The following GRPR variants were observed in gnomAD, a reference collection of about 807,000 sequenced individuals.
GRPR encodes the protein gastrin releasing peptide receptor, also known as gastrin-releasing peptide receptor.
A neutral mutation model predicts 15.6 loss-of-function variants in GRPR; 4 were observed. The observed-to-expected ratio is 0.26, with a 90% CI of 0.13 to 0.59. GRPR has a LOEUF of 0.59. GRPR is among the 20% of genes least tolerant of loss of function. The pLI is 0.90. For synonymous variants in GRPR, 128 were observed against 126.8 expected, an observed-to-expected ratio of 1.01 and a Z score of -0.06; for missense variants, 270 against 304.1, an observed-to-expected ratio of 0.89 and a Z score of 0.83.
In GRPR at chrX:16,123,939, A is replaced by G; in HGVS notation, c.-15A>G. The G allele has an allele frequency of 8.3e-7, 1 of 1,199,352 alleles. No individual in the cohort carries two copies. On this transcript the variant is annotated 5_prime_UTR_variant, in exon 1 of 3. Transcript: ENST00000380289. ...GCATCTAAGGGAACTTTTAGGTGGG[A>G]AAAAAAATCTAGAGATGGCTCTAAA... is the stretch of plus-strand genomic sequence containing the variant.
In GRPR at chrX:16,150,619, A is replaced by G. The variant is rs756826220; in HGVS notation, c.728A>G (p.Asn243Ser). 22 of 1,182,450 alleles carry G rather than the reference A, an allele frequency of 1.9e-5. No individual in the cohort carries two copies. The highest frequency in any genetic ancestry group is 5.3e-5 in the South Asian group (3 of 56,199). ...AAAAATCTGATCCAGAGTGCTTACA[A>G]TCTTCCCGTGGAAGGGAATATACAT... Reference protein sequence around the residue: ...IAKNLIQSAYNLPVEGNIHVK... With the variant: ...IAKNLIQSAYSLPVEGNIHVK... The change falls in exon 2 of 3, where the codon AAT (asparagine) becomes AGT (serine). Residue 243 changes from asparagine to serine, a missense_variant. Asn to Ser is a conservative substitution (Grantham distance 46). Coordinates refer to ENST00000380289, the MANE Select transcript of GRPR (RefSeq NM_005314.3).
chrX:16,124,705 A>T (rs1490464469), intron 1 of GRPR, among the ~76,000 whole-genome samples: 1 of 112,231 alleles, frequency 8.9e-6, no homozygotes, highest in African/African-American at 3.2e-5. Flanking sequence ...AAAGACAATC[A>T]CACCCAATAG....
intron 1 of GRPR, among the ~76,000 whole-genome samples, chrX:16,144,504 A>G (rs1024088125): frequency 3.6e-5 from 4 of 111,916 alleles, no homozygotes; most frequent in Admixed American, 2.8e-4. Flanking sequence ...GTAATTATGG[A>G]CAAATAAGGG....
chrX:16,147,304 A>T (rs962237974), intron 1 of GRPR, among the ~76,000 whole-genome samples: 3 of 111,972 alleles, frequency 2.7e-5, no homozygotes, highest in Admixed American at 9.6e-5. Context: ...ATTCCTTGAT[A>T]TCACCAATAG....
chrX:16,147,776 G>C (rs949506430), intron 1 of GRPR, among the ~76,000 whole-genome samples: 4 of 111,958 alleles, frequency 3.6e-5, no homozygotes, highest in African/African-American at 1.3e-4. Flanking sequence ...CATTTACTCT[G>C]GTTTCTGACT....
At chrX:16,137,421 A>C (rs1922465893) in intron 1 of GRPR, among the ~76,000 whole-genome samples, 1 of 112,198 alleles carries the variant, frequency 8.9e-6, no homozygotes, top group Middle Eastern at 4.6e-3. Flanking sequence ...GGTGGCAGAC[A>C]TGAGGGCAGG....
At position 16,146,759 on chromosome X, in the gene GRPR, A is replaced by G. The variant is rs150813721; in HGVS notation, c.414-3546A>G. On this transcript the variant is annotated intron_variant, in intron 1 of 2. Transcript: ENST00000380289. ...AGACTGATATGCTCCATGCTATACA[A>G]AACCATTAGACTTGCAGGAAACATT... 8.7e-3 allele frequency among the ~76,000 whole-genome samples: 975 copies of G among 111,980 alleles called. 11 individuals carry two copies. The highest frequency in any genetic ancestry group is 0.03 in the African/African-American group (921 of 30,809).
chrX:16,131,253 G>A (rs190361184), intron 1 of GRPR, among the ~76,000 whole-genome samples: 144 of 111,193 alleles, frequency 1.3e-3, no homozygotes, highest in Non-Finnish European at 2.3e-3. Context: ...TGGGGTTTGC[G>A]TAAATTCTCT....
chrX:16,140,295 A>C (rs1922511995), intron 1 of GRPR, among the ~76,000 whole-genome samples: 1 of 112,668 alleles, frequency 8.9e-6, no homozygotes, highest in Non-Finnish European at 1.9e-5. Flanking sequence ...CTTATTTTGG[A>C]AAAAAATGAT....
chrX:16,123,926 A>G lies in GRPR; in HGVS notation c.-28A>G, dbSNP rs560017195. On this transcript the variant is annotated 5_prime_UTR_variant, in exon 1 of 3. Coordinates refer to ENST00000380289, the MANE Select transcript of GRPR (RefSeq NM_005314.3). ...TAGTTAAGAAATAGCATCTAAGGGA[A>G]CTTTTAGGTGGGAAAAAAAATCTAG... is the stretch of plus-strand genomic sequence containing the variant. 4.3e-5 allele frequency: 50 copies of G among 1,173,811 alleles called. No homozygotes were observed. In the South Asian group the frequency reaches 8.2e-4, roughly 19 times the overall value.
chrX:16,127,197 C>T (rs1403030820), intron 1 of GRPR, among the ~76,000 whole-genome samples: 1 of 111,553 alleles, frequency 9.0e-6, no homozygotes, highest in Admixed American at 9.5e-5. Flanking sequence ...ACCATCCATC[C>T]CTGCCCCCTA....
At chrX:16,150,835 T>TTC (rs1448497512) in intron 2 of GRPR, among the ~76,000 whole-genome samples, 179 bp downstream of exon 2, 1 of 112,455 alleles carries the variant, frequency 8.9e-6, no homozygotes, top group African/African-American at 3.2e-5. Flanking sequence ...TATAGTCTTA[T>TTC]TCTCCTGTTA....
intron 1 of GRPR, among the ~76,000 whole-genome samples, chrX:16,135,871 GT>G (rs1922440703): frequency 8.9e-6 from 1 of 112,000 alleles, no homozygotes; most frequent in Non-Finnish European, 1.9e-5. Flanking sequence ...CACTTTAAAT[GT>G]TTGGAAACAT....
At chrX:16,136,750 A>G (rs1419390158) in intron 1 of GRPR, among the ~76,000 whole-genome samples, 1 of 112,189 alleles carries the variant, frequency 8.9e-6, no homozygotes, top group Admixed American at 9.4e-5. Context: ...CAACTGCTCA[A>G]TTCTACCCTT....
At chrX:16,139,285 G>A (rs180794031) in intron 1 of GRPR, among the ~76,000 whole-genome samples, 26 of 102,895 alleles carry the variant, frequency 2.5e-4, no homozygotes, top group Admixed American at 2.1e-3. Context: ...AGAGGTTGTC[G>A]TAGAAGTTGA....
At chrX:16,126,674 A>T (rs899657867) in intron 1 of GRPR, among the ~76,000 whole-genome samples, 17 of 112,174 alleles carry the variant, frequency 1.5e-4, no homozygotes, top group African/African-American at 5.5e-4. Flanking sequence ...CTTTAATCTC[A>T]TATAAATGGA....
Position 16,124,107 on chromosome X carries a change from C to T in GRPR, c.154C>T (p.Leu52=), listed in dbSNP as rs74381274. The change falls in exon 1 of 3, where the codon CTG becomes TTG. Residue 52 remains leucine (L), a synonymous_variant. Coordinates refer to ENST00000380289, the MANE Select transcript of GRPR (RefSeq NM_005314.3). ...VIPAVYGVII[L]IGLIGNITLI... ...CCCTGCAGTTTATGGGGTTATCATT[C>T]TGATAGGCCTCATTGGCAACATCAC... 22 of 1,208,242 alleles carry T rather than the reference C, an allele frequency of 1.8e-5. No homozygotes were observed. The highest frequency in any genetic ancestry group is 2.4e-5 in the Non-Finnish European group (21 of 892,303).
intron 1 of GRPR, among the ~76,000 whole-genome samples, chrX:16,147,799 T>C (rs888744046): frequency 5.4e-4 from 61 of 111,984 alleles, no homozygotes; most frequent in Non-Finnish European, 1.5e-4. Flanking sequence ...GTGAATCACC[T>C]TTACTCAGAG....
chrX:16,152,504 C>G lies in GRPR; in HGVS notation c.1014C>G (p.Leu338=). 2 of 1,211,096 alleles carry G rather than the reference C, an allele frequency of 1.7e-6. No individual in the cohort carries two copies. Among genetic ancestry groups the G allele is most frequent in the South Asian group, 1.8e-5 (1 of 57,012 alleles). Residue 338 remains leucine, a synonymous_variant, in exon 3 of 3, where the codon CTC becomes CTG. Transcript: ENST00000380289. Reference sequence around the variant, plus strand: ...GGAAACAGTTCAACACTCAGCTGCTCTGTTGCCAGCCTGGCCTGATCATCC... The same window carrying G: ...GGAAACAGTTCAACACTCAGCTGCTGTGTTGCCAGCCTGGCCTGATCATCC... ...SFRKQFNTQL[L]CCQPGLIIRS... is the part of the protein sequence containing the mutation.
Sources: gnomAD v4.1 joint callset for allele counts (sites outside exome capture counted in the v4.1 genomes callset) on GRCh38, gnomAD v4.1.1 for gene constraint, MANE v1.5 for transcripts, NCBI Gene and HGNC (gene_info 2026-07-23, HGNC 2026-07-21) for gene names.